The following ASPSCR1 variants were observed in gnomAD, a reference collection of about 807,000 sequenced individuals.
ASPSCR1 encodes tether containing UBX domain for GLUT4.
In ASPSCR1, 55 loss-of-function variants were observed where a neutral mutation model predicts 68.9. The ratio of observed to expected loss-of-function variants is 0.80; its 90% confidence interval spans 0.64 to 1.00. The LOEUF (loss-of-function observed/expected upper bound fraction) is 1.00. Among genes scored for constraint, ASPSCR1 ranks in the 50% least tolerant of loss-of-function variants. The pLI is 0.00. For synonymous variants in ASPSCR1, 352 were observed against 332.6 expected (o/e 1.06, Z -0.63); for missense variants, 765 against 762.2 (o/e 1.00, Z -0.04).
intron 6 of ASPSCR1, 134 bp from the exon 7 acceptor site, chr17:81,996,286 C>A: frequency 7.0e-7 from 1 of 1,424,452 alleles, no homozygotes; most frequent in Non-Finnish European, 9.2e-7. Context: ...TGGGAGGGCG[C>A]ATGGGGCAGG....
intron 3 of ASPSCR1, among the ~76,000 whole-genome samples, chr17:81,984,790 C>T (rs910149868): frequency 6.6e-6 from 1 of 150,756 alleles, no homozygotes; most frequent in African/African-American, 2.4e-5. Flanking sequence ...CACCCACACA[C>T]ACCCCCACAC....
rs1011231169 is a variant in ASPSCR1, at chr17:81,982,854, C to T, written c.159-700C>T. Among the ~76,000 whole-genome samples the T allele has an allele frequency of 2.0e-5, 3 of 151,118 alleles. No homozygotes were observed. The South Asian group carries it at 6.2e-4, about 31-fold the overall frequency. On this transcript the variant is annotated intron_variant, in intron 2 of 15. Coordinates refer to ENST00000306739, the MANE Select transcript of ASPSCR1 (RefSeq NM_024083.4). ...CTTTCACAGAGTTTTGCTCTTGTTG[C>T]CCAGGCAGGAGTGCAGTGGCATGAT...
intron 4 of ASPSCR1, among the ~76,000 whole-genome samples, chr17:81,993,561 G>A (rs1048095646): frequency 2.6e-5 from 4 of 152,200 alleles, no homozygotes; most frequent in African/African-American, 9.6e-5. Context: ...TCGGGGCACG[G>A]TGAGTGCACA....
intron 8 of ASPSCR1, 71 bp downstream of exon 8, chr17:82,009,262 G>T (rs1424534325): frequency 2.0e-6 from 3 of 1,495,462 alleles, no homozygotes; most frequent in Admixed American, 4.4e-5. Context: ...TGTGCTGCCC[G>T]CTGTCCCCAG....
intron 7 of ASPSCR1, among the ~76,000 whole-genome samples, chr17:82,003,884 C>G (rs151025812): frequency 6.6e-6 from 1 of 152,322 alleles, no homozygotes; most frequent in African/African-American, 2.4e-5. Context: ...AGGTTTGGCC[C>G]GTGTCTGGCG....
chr17:82,006,981 C>G (rs1199240791), intron 7 of ASPSCR1: 1 of 152,320 alleles, frequency 6.6e-6, no homozygotes, highest in Non-Finnish European at 1.5e-5. Context: ...AGGCTCGGAG[C>G]TGAGCTGATG....
rs2043090505 is a variant in ASPSCR1 at position 82,015,454 on chromosome 17, T to TC, written c.1354-1019dup. The TC allele has an allele frequency of 1.4e-5, 20 of 1,420,702 alleles. No individual in the cohort carries two copies. The South Asian group carries it at 2.6e-4, about 19-fold the overall frequency. 88.0% of individuals were successfully genotyped at this position (1,420,702 alleles called of 1,614,324 possible). A position where few individuals can be genotyped will look rare whatever the true frequency, so the allele number is the denominator to read the frequency against. On this transcript the variant is annotated intron_variant, in intron 12 of 15. Transcript: ENST00000306739. ...CAAGCCTACTTCCCTCTCCTGGTGT[T>TC]CCCGAGTCCTGCCCGCCCCTTTCTG...
intron 4 of ASPSCR1, among the ~76,000 whole-genome samples, chr17:81,989,979 CAG>C (rs1265221830): frequency 7.9e-5 from 12 of 152,144 alleles, no homozygotes; most frequent in Non-Finnish European, 1.6e-4. Flanking sequence ...TTAGTAGAGA[CAG>C]GGTTTCACCA....
intron 4 of ASPSCR1, among the ~76,000 whole-genome samples, chr17:81,994,540 C>T (rs2042273287): frequency 1.3e-5 from 2 of 152,200 alleles, no homozygotes; most frequent in African/African-American, 4.8e-5. Flanking sequence ...CACGTCCTGC[C>T]AGCGGCCCCG....
chr17:81,989,662 C>T (rs931884240), intron 4 of ASPSCR1, among the ~76,000 whole-genome samples: 9 of 152,142 alleles, frequency 5.9e-5, no homozygotes, highest in African/African-American at 9.7e-5. Flanking sequence ...TGGGTGATTT[C>T]CTTGGATGGA....
In ASPSCR1 at chr17:81,998,303, A is replaced by G. The variant is rs144302246; in HGVS notation, c.933+1457A>G. Reference sequence around the variant, plus strand: ...TACTTTTTATAATATTGTGGATAGTATCATGCTTCCTGTTACATCTTTGAC... The same window carrying G: ...TACTTTTTATAATATTGTGGATAGTGTCATGCTTCCTGTTACATCTTTGAC... On this transcript the variant is annotated intron_variant, in intron 7 of 15. Coordinates refer to ENST00000306739, the MANE Select transcript of ASPSCR1 (RefSeq NM_024083.4). Among the ~76,000 whole-genome samples, 271 of 152,134 alleles carry G rather than the reference A, an allele frequency of 1.8e-3. 1 individual carries two copies. Among genetic ancestry groups the G allele is most frequent in the Non-Finnish European group, 3.0e-3 (207 of 68,022 alleles).
In ASPSCR1 at chr17:81,996,043, A is replaced by T; in HGVS notation, c.484A>T (p.Thr162Ser). ...RGTTLQSLGL[T>S]GGSATIRFVM... ...CACGACGCTGCAGTCGCTGGGCCTG[A>T]CCGGGGGCAGCGCCACCATCAGGTA... The change falls in exon 6 of 16, where the codon ACC (threonine) becomes TCC (serine). Residue 162 changes from threonine to serine, a missense_variant. Coordinates refer to ENST00000306739, the MANE Select transcript of ASPSCR1 (RefSeq NM_024083.4). 1 of 1,609,674 alleles carries T rather than the reference A, an allele frequency of 6.2e-7. No individual in the cohort carries two copies. The highest frequency in any genetic ancestry group is 8.5e-7 in the Non-Finnish European group (1 of 1,178,938).
chr17:81,997,768 C>T (rs1201026599), intron 7 of ASPSCR1, among the ~76,000 whole-genome samples: 1 of 151,668 alleles, frequency 6.6e-6, no homozygotes, highest in African/African-American at 2.4e-5. Flanking sequence ...GGATTACAGG[C>T]GTGAGCCACC....
chr17:81,982,462 G>T (rs2143994616), intron 2 of ASPSCR1, among the ~76,000 whole-genome samples: 1 of 152,342 alleles, frequency 6.6e-6, no homozygotes, highest in South Asian at 2.1e-4. Context: ...CGTGAACAGT[G>T]CCCTCCGCTC....
rs149872107 is a variant in ASPSCR1, at chr17:81,996,330, G to A, written c.507-90G>A. 454 of 1,501,538 alleles carry A rather than the reference G, an allele frequency of 3.0e-4. 8 individuals are homozygous for A. The East Asian group carries it at 8.3e-3, about 28-fold the overall frequency. The allele number at this position is 1,501,538 out of a possible 1,614,324, so 93.0% of individuals were successfully genotyped here. On this transcript the variant is annotated intron_variant, in intron 6 of 15. Coordinates refer to ENST00000306739, the MANE Select transcript of ASPSCR1 (RefSeq NM_024083.4). The stretch of plus-strand genomic sequence containing the variant: ...AACCGGGGGCGGGAGAGGGTGAGCC[G>A]GGGGCGGGAGAGGGTGAGCCTGGGC...
At position 82,016,815 on chromosome 17, in the gene ASPSCR1, C is replaced by G; in HGVS notation, c.1421C>G (p.Pro474Arg). The change falls in exon 14 of 16, where the codon CCT becomes CGT. Residue 474 changes from proline to arginine, a missense_variant. Physicochemically the swap from Pro to Arg is moderately radical, Grantham distance 103. Transcript: ENST00000306739. ...CTCCCTGCAGGTGTCTACCTGGAGC[C>G]TGGCCTGCTGGAGCATGCCATCTCC... ...AEEPAGVYLE[P>R]GLLEHAISPS... 1 of 1,610,754 alleles carries G rather than the reference C, an allele frequency of 6.2e-7. No homozygotes were observed. The highest frequency in any genetic ancestry group is 8.5e-7 in the Non-Finnish European group (1 of 1,179,908).
chr17:82,000,311 T>G (rs1048675148), intron 7 of ASPSCR1, among the ~76,000 whole-genome samples: 1 of 152,040 alleles, frequency 6.6e-6, no homozygotes, highest in African/African-American at 2.4e-5. Context: ...CGGGAGGCGC[T>G]GTTGGGGTGG....
intron 12 of ASPSCR1, chr17:82,016,055 C>A (rs1012680178): frequency 6.7e-5 from 13 of 194,190 alleles, no homozygotes; most frequent in African/African-American, 9.3e-5. Context: ...AGCCTGGAGC[C>A]GGGAGGGGGA....
chr17:82,009,546 G>T lies in ASPSCR1; in HGVS notation c.1149G>T (p.Glu383Asp). ...CCTTCAGGGAGGCGCAGATAAAGGA[G>T]AAGCTGGAGCGCTACCCAAAGGTCT... ...TKAFREAQIKEKLERYPKVAL... is the reference protein window; with the variant it reads ...TKAFREAQIKDKLERYPKVAL... Residue 383 changes from glutamate to aspartate, a missense_variant, in exon 9 of 16, where the codon GAG (glutamate) becomes GAT (aspartate). Coordinates refer to ENST00000306739, the MANE Select transcript of ASPSCR1 (RefSeq NM_024083.4). 1 of 1,579,704 alleles carries T rather than the reference G, an allele frequency of 6.3e-7. No individual in the cohort carries two copies. Among genetic ancestry groups the T allele is most frequent in the Non-Finnish European group, 8.6e-7 (1 of 1,165,744 alleles).
Sources: allele counts gnomAD v4.1 joint callset (sites outside exome capture counted in the v4.1 genomes callset), GRCh38; gene constraint gnomAD v4.1.1; transcripts MANE v1.5; gene names NCBI Gene and HGNC (gene_info 2026-07-23, HGNC 2026-07-21).